The following SSH2 variants were observed in gnomAD, a reference collection of about 807,000 sequenced individuals.
The protein encoded by SSH2 is protein phosphatase Slingshot homolog 2.
In SSH2, 37 loss-of-function variants were observed where a neutral mutation model predicts 135.2. The ratio of observed to expected loss-of-function variants is 0.27; its 90% confidence interval spans 0.21 to 0.36. SSH2 has a LOEUF of 0.36. Ranked by LOEUF, SSH2 falls within the 10% of genes least tolerant of loss-of-function variation. SSH2 has a pLI of 1.00. For missense variants in SSH2, 1,408 were observed against 1,765.3 expected (o/e 0.80, Z 3.63); for synonymous variants, 628 against 646.2 (o/e 0.97, Z 0.43).
In SSH2 at chr17:29,636,442, A is replaced by G; in HGVS notation, c.1788T>C (p.Asn596=). The G allele has an allele frequency of 3.1e-6, 5 of 1,614,200 alleles. No individual in the cohort carries two copies. In the South Asian group the frequency reaches 4.4e-5, roughly 14 times the overall value. The change falls in exon 15 of 16, where the codon AAT becomes AAC. Residue 596 remains asparagine (N), a synonymous_variant. Coordinates refer to ENST00000540801, the MANE Select transcript of SSH2 (RefSeq NM_001282129.2). The part of the protein sequence containing the change: ...CLNESKFPLD[N]CHASKALIQP... ...GAATTAAGGCTTTGGATGCATGGCA[A>G]TTGTCAAGAGGAAATTTTGATTCAT...
At chr17:29,902,605 T>C (rs1419961822) in intron 1 of SSH2, among the ~76,000 whole-genome samples, 1 of 152,046 alleles carries the variant, frequency 6.6e-6, no homozygotes, top group Non-Finnish European at 1.5e-5. Flanking sequence ...CTTTAATATC[T>C]TTAGGAAAAA....
At chr17:29,761,203 C>T (rs2041285460) in intron 3 of SSH2, 2 of 1,289,456 alleles carry the variant, frequency 1.6e-6, no homozygotes, top group Non-Finnish European at 2.0e-6. Flanking sequence ...AGTAAGGAAT[C>T]ATGTCGGGGC....
intron 3 of SSH2, among the ~76,000 whole-genome samples, chr17:29,791,866 A>G (rs572926157): frequency 6.6e-6 from 1 of 152,070 alleles, no homozygotes; most frequent in South Asian, 2.1e-4. Context: ...TCAAAGTGAC[A>G]AAGTATTGCC....
At position 29,680,551 on chromosome 17, in the gene SSH2, CAAAAAAAAAAAAAAAAA is replaced by C. The variant is rs1160865828; in HGVS notation, c.480-2827_480-2811del. 5.6e-4 allele frequency among the ~76,000 whole-genome samples: 12 copies of C among 21,540 alleles called. 1 individual carries two copies. The highest frequency in any genetic ancestry group is 7.8e-5 in the Non-Finnish European group (1 of 12,852). The allele number at this position is 21,540 out of a possible 152,430, so 14.1% of individuals were successfully genotyped here. ...TGGGAGACACAGCAAGACTCCCTCTCAAAAAAAAAAAAAAAAAAAAAAAAAAAAAGAGTGATTCCAGA... is the reference window on the plus strand; with the variant it reads ...TGGGAGACACAGCAAGACTCCCTCTCAAAAAAAAAAAAGAGTGATTCCAGA... On this transcript the variant is annotated intron_variant, in intron 6 of 15. Coordinates refer to ENST00000540801, the MANE Select transcript of SSH2 (RefSeq NM_001282129.2).
At chr17:29,776,586 C>A (rs1392084254) in intron 3 of SSH2, 4 of 152,238 alleles carry the variant, frequency 2.6e-5, no homozygotes, top group African/African-American at 9.6e-5. Context: ...ACTTCAGAAT[C>A]TCTGAGGCCT....
intron 3 of SSH2, among the ~76,000 whole-genome samples, chr17:29,754,383 C>CA (rs778189133): frequency 1.3e-5 from 2 of 152,062 alleles, no homozygotes; most frequent in Non-Finnish European, 1.5e-5. Flanking sequence ...ATTACTAATA[C>CA]AAAAAATAAG....
At chr17:29,651,092 G>A (rs1351577449) in intron 12 of SSH2, among the ~76,000 whole-genome samples, 2 of 152,122 alleles carry the variant, frequency 1.3e-5, no homozygotes, top group Non-Finnish European at 2.9e-5. Context: ...ATCCTTGATA[G>A]TATTCTGAAA....
chr17:29,687,277 A>C (rs1270268898), intron 5 of SSH2, among the ~76,000 whole-genome samples: 1 of 152,154 alleles, frequency 6.6e-6, no homozygotes, highest in Non-Finnish European at 1.5e-5. Flanking sequence ...CTCTATTCTG[A>C]TACTCCTAGG....
At chr17:29,667,343 C>T (rs1057216930) in intron 9 of SSH2, 120 bp from the exon 10 acceptor site, 18 of 786,356 alleles carry the variant, frequency 2.3e-5, no homozygotes, top group African/African-American at 2.1e-4. Flanking sequence ...TTTCCAAAAT[C>T]GGTTCTAGAG....
rs1194959594 is a variant in SSH2, at chr17:29,736,786, CAAAAAAAA to C, written c.189-33732_189-33725del. Among the ~76,000 whole-genome samples, 67 of 10,206 alleles carry C rather than the reference CAAAAAAAA, an allele frequency of 6.6e-3. 1 individual carries two copies. Among genetic ancestry groups the C allele is most frequent in the African/African-American group, 0.029 (63 of 2,180 alleles). The allele number at this position is 10,206 out of a possible 152,430, so 6.7% of individuals were successfully genotyped here. A position where few individuals can be genotyped will look rare whatever the true frequency, so the allele number is the denominator to read the frequency against. ...TGGGTGACAGAGCAAGACTCTGTCT[CAAAAAAAA>C]AAAAAAAAAAAAAAAAAAAAATGGG... On this transcript the variant is annotated intron_variant, in intron 3 of 15. Coordinates refer to ENST00000540801, the MANE Select transcript of SSH2 (RefSeq NM_001282129.2).
chr17:29,632,721 T>A lies in SSH2; in HGVS notation c.2473A>T (p.Asn825Tyr). Residue 825 changes from asparagine (N) to tyrosine (Y), a missense_variant, in exon 16 of 16, where the codon AAC becomes TAC. Asn to Tyr is a moderately radical substitution (Grantham distance 143). Around this residue, in one of 3 missense-constraint regions of SSH2, gnomAD observed 1,080 missense variants for 1,144.5 expected, o/e 0.94. Transcript: ENST00000540801. ...LLLERAQTPENKPGHMEQDED... is the reference protein window; with the variant it reads ...LLLERAQTPEYKPGHMEQDED... ...TCTTGCTCCATATGTCCAGGTTTGT[T>A]CTCTGGAGTCTGGGCCCTCTCAAGG... The A allele has an allele frequency of 6.2e-7, 1 of 1,614,166 alleles. No individual in the cohort carries two copies. Among genetic ancestry groups the A allele is most frequent in the Non-Finnish European group, 8.5e-7 (1 of 1,180,028 alleles).
intron 2 of SSH2, among the ~76,000 whole-genome samples, chr17:29,798,993 A>G (rs2042205298): frequency 6.6e-6 from 1 of 152,162 alleles, no homozygotes; most frequent in Admixed American, 6.5e-5. Flanking sequence ...TACATTCTTA[A>G]ACAATGTATT....
intron 1 of SSH2, among the ~76,000 whole-genome samples, chr17:29,898,666 A>G (rs556745405): frequency 5.3e-4 from 80 of 152,292 alleles, no homozygotes; most frequent in African/African-American, 1.9e-3. Context: ...AAAGTCCAGG[A>G]CCAGATGGAT....
In SSH2 at chr17:29,643,048, C is replaced by T. The variant is rs1053364347; in HGVS notation, c.1427+5096G>A. ...TCTAAACACTTGGACAGGAAATGGA[C>T]TTTCTCTGCAAACAATGAGAGATTT... On this transcript the variant is annotated intron_variant, in intron 14 of 15. Transcript: ENST00000540801. 5 of 846,506 alleles carry T rather than the reference C, an allele frequency of 5.9e-6. No homozygotes were observed. In the African/African-American group the frequency reaches 7.3e-5, roughly 12 times the overall value. The allele number at this position is 846,506 out of a possible 1,614,324, so 52.4% of individuals were successfully genotyped here.
Position 29,808,274 on chromosome 17 carries a change from G to A in SSH2, c.145-14337C>T, listed in dbSNP as rs547984731. ...CTTCTGAGTAACAGGGATTACAGGCGCCCGCCATCACGCCTGGCTAATTTT... is the reference window on the plus strand; with the variant it reads ...CTTCTGAGTAACAGGGATTACAGGCACCCGCCATCACGCCTGGCTAATTTT... On this transcript the variant is annotated intron_variant, in intron 2 of 15. Transcript: ENST00000540801. 6.9e-4 allele frequency among the ~76,000 whole-genome samples: 105 copies of A among 152,218 alleles called. No homozygotes were observed. In the East Asian group the frequency reaches 0.018, roughly 25 times the overall value.
chr17:29,645,621 T>C (rs2036337586), intron 14 of SSH2: 1 of 152,146 alleles, frequency 6.6e-6, no homozygotes, highest in African/African-American at 2.4e-5. Context: ...GTCATGTGTG[T>C]CTGGGAATAT....
rs2042113423 is a variant in SSH2 at position 29,793,812 on chromosome 17, A to G, written c.188+82T>C. ...AGGATAAGCTAATCTGATAAGACTG[A>G]AAAAGAATTAGAGAAAAAACAATAA... On this transcript the variant is annotated intron_variant, in intron 3 of 15. Coordinates refer to ENST00000540801, the MANE Select transcript of SSH2 (RefSeq NM_001282129.2). 13 of 1,244,268 alleles carry G rather than the reference A, an allele frequency of 1.0e-5. No homozygotes were observed. The East Asian group carries it at 2.8e-4, about 27-fold the overall frequency. 77.1% of individuals were successfully genotyped at this position (1,244,268 alleles called of 1,614,324 possible). A position where few individuals can be genotyped will look rare whatever the true frequency, so the allele number is the denominator to read the frequency against.
At chr17:29,683,249 A>G (rs1391892158) in intron 6 of SSH2, among the ~76,000 whole-genome samples, 3 of 152,214 alleles carry the variant, frequency 2.0e-5, no homozygotes, top group African/African-American at 7.2e-5. Flanking sequence ...AGATCTGCTT[A>G]GCAGCCACAT....
chr17:29,747,091 TA>T (rs1326191597), intron 3 of SSH2, among the ~76,000 whole-genome samples: 1 of 152,146 alleles, frequency 6.6e-6, no homozygotes, highest in African/African-American at 2.4e-5. Flanking sequence ...GTAACAACCA[TA>T]ACTGGAATTT....
Sources: gnomAD v4.1 joint callset for allele counts (sites outside exome capture counted in the v4.1 genomes callset) on GRCh38, gnomAD v4.1.1 for gene constraint, gnomAD v4.1.1 regional missense constraint, MANE v1.5 for transcripts, NCBI Gene and HGNC (gene_info 2026-07-23, HGNC 2026-07-21) for gene names.